The following MYH15 variants were observed in gnomAD, a reference collection of about 807,000 sequenced individuals.
MYH15 encodes the protein myosin heavy chain 15, also known as myosin-15.
MYH15 carries 227 observed loss-of-function variants against 240.5 expected under a neutral mutation model. The ratio of observed to expected loss-of-function variants is 0.94; its 90% CI spans 0.85 to 1.05. MYH15 has a LOEUF of 1.05. MYH15 is among the 50% of genes least tolerant of loss of function. MYH15 has a pLI of 0.00. For synonymous variants in MYH15, 785 were observed against 796.7 expected (o/e 0.99, Z 0.25); for missense variants, 2,217 against 2,247.5 (o/e 0.99, Z 0.27).
chr3:108,512,086 G>A (rs564116565), upstream of MYH15, among the ~76,000 whole-genome samples: 1 of 152,268 alleles, frequency 6.6e-6, no homozygotes, highest in African/African-American at 2.4e-5. Flanking sequence ...AGATGCTCAA[G>A]AGAAACAACA....
chr3:108,423,964 T>C (rs1287129604), intron 27 of MYH15, among the ~76,000 whole-genome samples: 1 of 152,236 alleles, frequency 6.6e-6, no homozygotes, highest in Admixed American at 6.5e-5. Flanking sequence ...GAAAACCATT[T>C]TTATTTTATG....
Position 108,391,931 on chromosome 3 carries a change from C to A in MYH15, c.5260-1G>T. ...TCAGTTCTTCTGACAAGTTTGCTGC[C>A]TAGGGGGTTAAAAAAAGGGACTGAG... On this transcript the variant is annotated splice_acceptor_variant, in intron 36 of 40. Transcript: ENST00000693548. LOFTEE classifies it high-confidence loss of function. The A allele has an allele frequency of 6.2e-7, 1 of 1,612,960 alleles. No homozygotes were observed. The highest frequency in any genetic ancestry group is 8.5e-7 in the Non-Finnish European group (1 of 1,179,590).
intron 18 of MYH15, 114 bp downstream of exon 18, chr3:108,459,248 T>C (rs1560388546): frequency 1.5e-6 from 1 of 671,796 alleles, no homozygotes; most frequent in Non-Finnish European, 2.4e-6. Flanking sequence ...TTTTTCTATA[T>C]GAAATTCTAC....
In MYH15 at chr3:108,529,219, C is replaced by T. The variant is rs779787954; in HGVS notation, c.-58+44G>A. ...AGGCTGCTACTGTCAGGCTATTCAG[C>T]ATTCTGTTAGACAAATTAAAACATA... On this transcript the variant is annotated intron_variant, in intron 1 of 41. Transcript: ENST00000273353. 4 of 1,580,910 alleles carry T rather than the reference C, an allele frequency of 2.5e-6. No homozygotes were observed. The African/African-American group carries it at 4.1e-5, about 16-fold the overall frequency.
chr3:108,531,892 C>T (rs2083713415), upstream of MYH15, among the ~76,000 whole-genome samples: 1 of 152,008 alleles, frequency 6.6e-6, no homozygotes, highest in African/African-American at 2.4e-5. Flanking sequence ...AAACTTGACA[C>T]TTAGAGAGGT....
chr3:108,499,733 C>A (rs937917497), intron 4 of MYH15, among the ~76,000 whole-genome samples: 4 of 152,172 alleles, frequency 2.6e-5, no homozygotes, highest in African/African-American at 9.7e-5. Flanking sequence ...TGGTAACCAA[C>A]TAATGATTGA....
intron 30 of MYH15, among the ~76,000 whole-genome samples, chr3:108,411,458 C>T (rs923801265): frequency 6.6e-6 from 1 of 152,182 alleles, no homozygotes; most frequent in Non-Finnish European, 1.5e-5. Flanking sequence ...TTGTTCTCCA[C>T]CTCAGCTCCT....
At chr3:108,521,687 A>C (rs558230267) in intron 1 of MYH15, among the ~76,000 whole-genome samples, 1 of 152,216 alleles carries the variant, frequency 6.6e-6, no homozygotes, top group African/African-American at 2.4e-5. Flanking sequence ...TTGTTGCTTC[A>C]TACAGGAATG....
In MYH15 at chr3:108,498,036, CT is replaced by C. The variant is rs553330268; in HGVS notation, c.618+15del. The C allele has an allele frequency of 4.3e-5, 69 of 1,609,478 alleles. No homozygotes were observed. In the African/African-American group the frequency reaches 7.7e-4, roughly 18 times the overall value. ...GGGCCACCTCATCTTTTCTACCAAG[CT>C]ATATAAACACTTACCTGCTTTTTCC... is the stretch of plus-strand genomic sequence containing the variant. On this transcript the variant is annotated intron_variant, in intron 6 of 40. Coordinates refer to ENST00000693548, the MANE Select transcript of MYH15 (RefSeq NM_014981.3).
rs771075242 is a variant in MYH15 at position 108,394,175 on chromosome 3, C to T, written c.5134-19G>A. 6.2e-7 allele frequency: 1 copy of T among 1,613,490 alleles called. No homozygotes were observed. The highest frequency in any genetic ancestry group is 1.7e-5 in the Admixed American group (1 of 60,014). On this transcript the variant is annotated intron_variant, in intron 35 of 40. Coordinates refer to ENST00000693548, the MANE Select transcript of MYH15 (RefSeq NM_014981.3). The stretch of plus-strand genomic sequence containing the variant: ...TTGTGTTCTAAAGAAAAGCAGCATT[C>T]CTATTAGGCAAGTAAAAACCAGCAA...
At position 108,434,991 on chromosome 3, in the gene MYH15, T is replaced by C. The variant is rs564005960; in HGVS notation, c.3221+2563A>G. 3.8e-4 allele frequency among the ~76,000 whole-genome samples: 58 copies of C among 152,382 alleles called. 1 individual carries two copies. The highest frequency in any genetic ancestry group is 1.3e-3 in the Admixed American group (20 of 15,306). On this transcript the variant is annotated intron_variant, in intron 25 of 40. Transcript: ENST00000693548. ...CTGCATCTTGTCAACTATTAGTATT[T>C]TTAAATGGCCAGTAAACCAAATGGA...
chr3:108,503,941 C>T (rs578238826), intron 2 of MYH15, among the ~76,000 whole-genome samples: 14 of 152,252 alleles, frequency 9.2e-5, no homozygotes, highest in Admixed American at 2.6e-4. Flanking sequence ...ATGGTATATC[C>T]ATATAATGGA....
chr3:108,470,392 C>A (rs565817523), intron 13 of MYH15, among the ~76,000 whole-genome samples, 180 bp from the exon 14 acceptor site: 1 of 152,122 alleles, frequency 6.6e-6, no homozygotes, highest in South Asian at 2.1e-4. Context: ...TCATTAAGTA[C>A]AATTTTCTAA....
chr3:108,381,316 T>A lies in MYH15; in HGVS notation c.*229A>T. 1.7e-6 allele frequency: 1 copy of A among 587,318 alleles called. No individual in the cohort carries two copies. Among genetic ancestry groups the A allele is most frequent in the Non-Finnish European group, 3.0e-6 (1 of 328,724 alleles). 36.4% of individuals were successfully genotyped at this position (587,318 alleles called of 1,614,324 possible). ...GTTCTTCCATTTATTTAATCTGTCA[T>A]GTGAAGCATTAGAAGGTAGTTTACT... On this transcript the variant is annotated 3_prime_UTR_variant, in exon 41 of 41. Transcript: ENST00000693548.
At chr3:108,498,276 C>A in intron 5 of MYH15, 131 bp from the exon 6 acceptor site, 2 of 738,350 alleles carry the variant, frequency 2.7e-6, no homozygotes, top group Admixed American at 2.3e-5. Context: ...TCAGATGGAA[C>A]TTGAGGATAT....
Position 108,410,831 on chromosome 3 carries a change from T to G in MYH15, c.4247A>C (p.Glu1416Ala), listed in dbSNP as rs1392625609. The change falls in exon 31 of 41, where the codon GAG (glutamate) becomes GCG (alanine). Residue 1416 changes from glutamate (E) to alanine (A), a missense_variant. Physicochemically the swap from Glu to Ala is moderately radical, Grantham distance 107 (BLOSUM62 -1). Transcript: ENST00000693548. ...LERARHQLQL[E>A]LGDALSDLGK... ...GAGGTCAGACAGGGCGTCCCCGAGC[T>G]CCAGCTGCAGCTGGTGCCTGGCTCT... is the stretch of plus-strand genomic sequence containing the variant. 6.2e-7 allele frequency: 1 copy of G among 1,613,968 alleles called. No individual in the cohort carries two copies. Among genetic ancestry groups the G allele is most frequent in the South Asian group, 1.1e-5 (1 of 91,082 alleles).
rs72489186 is a variant in MYH15 at position 108,454,334 on chromosome 3, AC to A, written c.2263-193del. The stretch of plus-strand genomic sequence containing the variant: ...ATAAATCTAAAATGTGAAAAAAAAA[AC>A]GTTATTAAATCATGTGGTTCTATTG... On this transcript the variant is annotated intron_variant, in intron 20 of 40. Coordinates refer to ENST00000693548, the MANE Select transcript of MYH15 (RefSeq NM_014981.3). 7.1e-3 allele frequency among the ~76,000 whole-genome samples: 1,081 copies of A among 152,234 alleles called. 12 individuals carry two copies. The highest frequency in any genetic ancestry group is 0.018 in the African/African-American group (736 of 41,534).
At chr3:108,541,473 A>AT in the MYH15 span, among the ~76,000 whole-genome samples, 1 of 151,958 alleles carries the variant, frequency 6.6e-6, no homozygotes, top group Non-Finnish European at 1.5e-5. Context: ...AAAAAGATGA[A>AT]TAAAAAAAAG....
At chr3:108,415,330 A>G (rs771525492) in intron 29 of MYH15, among the ~76,000 whole-genome samples, 17 of 152,330 alleles carry the variant, frequency 1.1e-4, no homozygotes, top group Non-Finnish European at 2.1e-4. Flanking sequence ...AGCCTCAGCC[A>G]GACCCCTTTG....
Sources: allele counts gnomAD v4.1 joint callset (sites outside exome capture counted in the v4.1 genomes callset), GRCh38; gene constraint gnomAD v4.1.1; transcripts MANE v1.5; gene names NCBI Gene and HGNC (gene_info 2026-07-23, HGNC 2026-07-21).